The following MCF2 variants were observed in gnomAD, a reference collection of about 807,000 sequenced individuals.
MCF2 encodes MCF.2 cell line derived transforming sequence.
MCF2 carries 44 observed loss-of-function variants against 82.5 expected under a neutral mutation model. That is an observed-to-expected ratio of 0.53 (90% CI 0.42 to 0.69). The LOEUF (loss-of-function observed/expected upper bound fraction) is 0.69, where lower values mean the gene tolerates loss of function less well. Ranked by LOEUF, MCF2 falls within the 30% of genes least tolerant of loss-of-function variation. The probability of loss-of-function intolerance (pLI) is 0.00; values close to 1 mark genes in which losing one functional copy is unlikely to be tolerated. For synonymous variants in MCF2, 217 were observed against 224.9 expected (o/e 0.96, Z 0.32); for missense variants, 623 against 663.1 (o/e 0.94, Z 0.66).
At chrX:139,627,967 C>A (rs1220203499) in intron 4 of MCF2, among the ~76,000 whole-genome samples, 2 of 111,503 alleles carry the variant, frequency 1.8e-5, no homozygotes, top group East Asian at 5.7e-4. Flanking sequence ...ATTAAAAAGA[C>A]AAAAAATAAC....
chrX:139,585,228 C>A, intron 23 of MCF2, 50 bp from the exon 28 acceptor site: 1 of 780,318 alleles, frequency 1.3e-6, no homozygotes, highest in Non-Finnish European at 1.9e-6. Context: ...GCTAATTTAC[C>A]ACAAGGTGAG....
upstream of MCF2, among the ~76,000 whole-genome samples, chrX:139,645,836 C>T (rs1014022250): frequency 2.7e-5 from 3 of 111,720 alleles, no homozygotes; most frequent in Non-Finnish European, 5.6e-5. Context: ...TACATATTCC[C>T]TTACTCACTA....
intron 1 of MCF2, among the ~76,000 whole-genome samples, chrX:139,669,068 C>A (rs1320196511): frequency 9.0e-6 from 1 of 111,471 alleles, no homozygotes; most frequent in Non-Finnish European, 1.9e-5. Flanking sequence ...AAACTTTGTG[C>A]TTCAAAAGAT....
chrX:139,650,184 T>A (rs1485238488), intron 2 of MCF2, among the ~76,000 whole-genome samples: 1 of 110,884 alleles, frequency 9.0e-6, no homozygotes, highest in African/African-American at 3.3e-5. Context: ...GCAAAACCCT[T>A]TTGCTACAAA....
intron 1 of MCF2, among the ~76,000 whole-genome samples, chrX:139,689,872 C>G (rs1935217010): frequency 9.0e-6 from 1 of 111,263 alleles, no homozygotes. Flanking sequence ...GCTTATTACT[C>G]TGTAGTATAA....
At chrX:139,676,478 T>C (rs987029804) in intron 1 of MCF2, among the ~76,000 whole-genome samples, 1 of 112,224 alleles carries the variant, frequency 8.9e-6, no homozygotes, top group Non-Finnish European at 1.9e-5. Context: ...TTCTTATTTT[T>C]CTGAACAAAT....
At chrX:139,600,585 C>T (rs1452591649) in intron 16 of MCF2, among the ~76,000 whole-genome samples, 1 of 111,758 alleles carries the variant, frequency 8.9e-6, no homozygotes, top group African/African-American at 3.2e-5. Flanking sequence ...GCTACCACAA[C>T]ACTAGCATCC....
intron 9 of MCF2, among the ~76,000 whole-genome samples, chrX:139,615,401 T>C (rs1931821615): frequency 8.9e-6 from 1 of 111,820 alleles, no homozygotes; most frequent in Non-Finnish European, 1.9e-5. Context: ...CACCAAGTTA[T>C]AAAAACAATC....
intron 1 of MCF2, among the ~76,000 whole-genome samples, chrX:139,659,612 A>T (rs900993432): frequency 2.7e-5 from 3 of 112,012 alleles, no homozygotes; most frequent in Middle Eastern, 4.6e-3. Context: ...GAAAAATATG[A>T]GTTCTGAACC....
intron 1 of MCF2, among the ~76,000 whole-genome samples, chrX:139,684,347 G>T (rs1271833539): frequency 8.9e-6 from 1 of 112,215 alleles, no homozygotes; most frequent in Non-Finnish European, 1.9e-5. Flanking sequence ...GAAGAATGTA[G>T]AGAAATTATA....
intron 4 of MCF2, among the ~76,000 whole-genome samples, chrX:139,627,134 G>C (rs1299785756): frequency 9.0e-6 from 1 of 111,254 alleles, no homozygotes; most frequent in Non-Finnish European, 1.9e-5. Flanking sequence ...ATCTTGCTAT[G>C]TTGCCCAGGC....
intron 19 of MCF2, among the ~76,000 whole-genome samples, chrX:139,593,935 A>G (rs1367224943): frequency 9.0e-6 from 1 of 110,980 alleles, no homozygotes; most frequent in African/African-American, 3.3e-5. Context: ...CCAATAACAG[A>G]CAAACAGAGA....
chrX:139,593,580 C>T (rs1929728661), intron 19 of MCF2, among the ~76,000 whole-genome samples: 1 of 110,554 alleles, frequency 9.0e-6, no homozygotes, highest in Non-Finnish European at 1.9e-5. Context: ...AGAGACACAA[C>T]CAAAAAAGAG....
chrX:139,597,991 T>A (rs1280919935), intron 17 of MCF2, among the ~76,000 whole-genome samples: 4 of 112,025 alleles, frequency 3.6e-5, no homozygotes, highest in African/African-American at 1.3e-4. Context: ...TATTTATACT[T>A]AACACAAGAT....
chrX:139,659,296 T>A (rs773016200), intron 1 of MCF2, among the ~76,000 whole-genome samples: 2 of 108,672 alleles, frequency 1.8e-5, no homozygotes, highest in Admixed American at 9.8e-5. Flanking sequence ...AAAAAAAAAA[T>A]AAAAAATTTA....
intron 16 of MCF2, among the ~76,000 whole-genome samples, chrX:139,600,196 T>C (rs1930434058): frequency 9.0e-6 from 1 of 111,383 alleles, no homozygotes. Flanking sequence ...TAAGACTGGT[T>C]TCTTTTTAGT....
intron 1 of MCF2, among the ~76,000 whole-genome samples, chrX:139,679,194 A>T (rs867567083): frequency 8.9e-6 from 1 of 112,516 alleles, no homozygotes; most frequent in African/African-American, 3.2e-5. Context: ...CTTACAGAGC[A>T]CATAATAATG....
exon 25 of MCF2, chrX:139,582,160 G>A (rs1404331818): frequency 8.7e-6 from 3 of 346,609 alleles, no homozygotes; most frequent in Non-Finnish European, 1.5e-5. Context: ...AATAATCCAA[G>A]GCACACCGAT....
intron 1 of MCF2, among the ~76,000 whole-genome samples, chrX:139,665,278 A>G (rs1354760535): frequency 1.8e-5 from 2 of 111,105 alleles, no homozygotes; most frequent in Non-Finnish European, 3.8e-5. Context: ...ACTGCCTTTC[A>G]AGGTTATTGA....
Sources: gnomAD v4.1 joint callset for allele counts (sites outside exome capture counted in the v4.1 genomes callset) on GRCh38, gnomAD v4.1.1 for gene constraint, MANE v1.5 for transcripts, NCBI Gene and HGNC (gene_info 2026-07-23, HGNC 2026-07-21) for gene names.